The following CDC42 variants were observed in gnomAD, a reference collection of about 807,000 sequenced individuals.
CDC42 encodes cell division control protein 42 homolog.
In CDC42, 1 loss-of-function variant was observed where a neutral mutation model predicts 20.8. The observed-to-expected ratio is 0.05, with a 90% confidence interval of 0.02 to 0.23. The LOEUF (loss-of-function observed/expected upper bound fraction) is 0.23. CDC42 is among the 10% of genes least tolerant of loss of function. The pLI is 1.00. For synonymous variants in CDC42, 72 were observed against 84.8 expected, an observed-to-expected ratio of 0.85 and a Z score of 0.83; for missense variants, 49 against 227.9, an observed-to-expected ratio of 0.21 and a Z score of 5.05.
chr1:22,058,433 C>T (rs1557891875), intron 1 of CDC42, among the ~76,000 whole-genome samples: 1 of 151,696 alleles, frequency 6.6e-6, no homozygotes, highest in South Asian at 2.1e-4. Flanking sequence ...CTGCCTATTA[C>T]GTAGAATTGC....
chr1:22,071,368 A>G (rs926887909), intron 1 of CDC42, among the ~76,000 whole-genome samples: 1 of 152,112 alleles, frequency 6.6e-6, no homozygotes, highest in African/African-American at 2.4e-5. Context: ...TAACAAACAT[A>G]TAAGGCCAGC....
intron 1 of CDC42, among the ~76,000 whole-genome samples, chr1:22,055,162 C>A (rs1241989536): frequency 6.6e-6 from 1 of 150,804 alleles, no homozygotes; most frequent in Non-Finnish European, 1.5e-5. Flanking sequence ...ACGGTGTTAG[C>A]CAGGATAGTC....
chr1:22,089,898 C>T (rs181804375), intron 5 of CDC42: 1 of 1,599,790 alleles, frequency 6.3e-7, no homozygotes, highest in East Asian at 2.2e-5. Context: ...TCTTTCTAAT[C>T]CTCTAACCTG....
chr1:22,074,805 C>T (rs1295508487), intron 1 of CDC42, among the ~76,000 whole-genome samples: 1 of 152,118 alleles, frequency 6.6e-6, no homozygotes, highest in East Asian at 1.9e-4. Flanking sequence ...TGCTTCATTC[C>T]ACAAAACAGA....
chr1:22,099,201 C>T lies in CDC42; in HGVS notation c.*7684C>T, dbSNP rs1288705544. Among the ~76,000 whole-genome samples the T allele has an allele frequency of 6.6e-6, 1 of 152,218 alleles. No individual in the cohort carries two copies. The highest frequency in any genetic ancestry group is 1.5e-5 in the Non-Finnish European group (1 of 68,046). On this transcript the variant is annotated 3_prime_UTR_variant, in exon 6 of 6. Transcript: ENST00000656825. ...CAAGGCCCCCATAAATAAATTGGTG[C>T]ATTAAGGAAGGAATATTAATCACAT...
rs989593523 is a variant in CDC42, at chr1:22,084,011, A to G, written c.178+2217A>G. ...TGATTGCCGAGTGTTATTCTGTTCT[A>G]TGAATATATCACAGTTTTGTTTATC... On this transcript the variant is annotated intron_variant, in intron 3 of 5. Transcript: ENST00000656825. Among the ~76,000 whole-genome samples, 5 of 152,306 alleles carry G rather than the reference A, an allele frequency of 3.3e-5. No individual in the cohort carries two copies. In the East Asian group the frequency reaches 5.8e-4, roughly 18 times the overall value.
rs569626464 is a variant in CDC42, at chr1:22,056,090, G to T, written c.-51+3348G>T. ...AGATTGTAAGTTCTGTGAGGGCAGG[G>T]CTTTGGCCTGGCATGGTCACCCCAT... On this transcript the variant is annotated intron_variant, in intron 1 of 5. Transcript: ENST00000656825. Among the ~76,000 whole-genome samples, 5 of 152,276 alleles carry T rather than the reference G, an allele frequency of 3.3e-5. No homozygotes were observed. The South Asian group carries it at 1.0e-3, about 32-fold the overall frequency.
intron 3 of CDC42, among the ~76,000 whole-genome samples, chr1:22,082,295 ATG>A (rs1645615670): frequency 6.6e-6 from 1 of 152,230 alleles, no homozygotes; most frequent in South Asian, 2.1e-4. Flanking sequence ...TATTCAATTT[ATG>A]TGTCTAATAA....
At chr1:22,076,176 G>C (rs577419492) in intron 1 of CDC42, among the ~76,000 whole-genome samples, 1 of 152,260 alleles carries the variant, frequency 6.6e-6, no homozygotes, top group South Asian at 2.1e-4. Flanking sequence ...GCAGGGACTT[G>C]AGGTTGGGCA....
rs199697321 is a variant in CDC42 at position 22,091,778 on chromosome 1, T to A, written c.*261T>A. The A allele has an allele frequency of 1.2e-4, 18 of 150,968 alleles. No homozygotes were observed. Among genetic ancestry groups the A allele is most frequent in the Admixed American group, 2.0e-4 (2 of 9,856 alleles). The allele number at this position is 150,968 out of a possible 1,614,324, so 9.4% of individuals were successfully genotyped here. A position where few individuals can be genotyped will look rare whatever the true frequency, so the allele number is the denominator to read the frequency against. On this transcript the variant is annotated 3_prime_UTR_variant, in exon 6 of 6. Coordinates refer to ENST00000656825, the MANE Select transcript of CDC42 (RefSeq NM_001791.4). ...TTTTTTTGTTGTTTCAAAAAAAAAA[T>A]TTTTGTGTGTGTGTGTTTTTTTTTT...
At position 22,099,442 on chromosome 1, in the gene CDC42, G is replaced by T. The variant is rs1645776273; in HGVS notation, c.*7925G>T. ...GACTCTGAGACATCATAATTGCTTG[G>T]TATATGCAGCCAGAGTTGGAAATCC... On this transcript the variant is annotated 3_prime_UTR_variant, in exon 6 of 6. Transcript: ENST00000656825. Among the ~76,000 whole-genome samples, 1 of 152,194 alleles carries T rather than the reference G, an allele frequency of 6.6e-6. No homozygotes were observed. Among genetic ancestry groups the T allele is most frequent in the Admixed American group, 6.5e-5 (1 of 15,284 alleles).
At chr1:22,065,499 C>G (rs1446029500) in intron 1 of CDC42, among the ~76,000 whole-genome samples, 1 of 152,200 alleles carries the variant, frequency 6.6e-6, no homozygotes, top group African/African-American at 2.4e-5. Context: ...AACAACTGTT[C>G]TGACCTTTTT....
At chr1:22,073,329 G>C (rs1382651591) in intron 1 of CDC42, among the ~76,000 whole-genome samples, 2 of 152,100 alleles carry the variant, frequency 1.3e-5, no homozygotes, top group Admixed American at 6.6e-5. Context: ...CTGAGGTCAG[G>C]ATTTTGAGAC....
At chr1:22,081,848 C>A in intron 3 of CDC42, 54 bp downstream of exon 3, 1 of 1,161,428 alleles carries the variant, frequency 8.6e-7, no homozygotes, top group South Asian at 1.3e-5. Flanking sequence ...TGCTAGTTGT[C>A]TGTCTCTTGT....
At chr1:22,071,584 A>G (rs890230541) in intron 1 of CDC42, among the ~76,000 whole-genome samples, 1 of 152,196 alleles carries the variant, frequency 6.6e-6, no homozygotes, top group Non-Finnish European at 1.5e-5. Context: ...AACTTACAGC[A>G]GAAGGTTATA....
At chr1:22,075,646 G>A (rs1645541128) in intron 1 of CDC42, among the ~76,000 whole-genome samples, 1 of 152,178 alleles carries the variant, frequency 6.6e-6, no homozygotes, top group African/African-American at 2.4e-5. Context: ...CATGTACTAA[G>A]CATGTACTGT....
intron 1 of CDC42, chr1:22,059,051 C>T (rs1645334815): frequency 6.6e-6 from 1 of 151,830 alleles, no homozygotes; most frequent in African/African-American, 2.4e-5. Context: ...TTCTTGAACT[C>T]CTGGCCTCAA....
Position 22,091,672 on chromosome 1 carries a change from T to A in CDC42, c.*155T>A. 2.3e-6 allele frequency: 1 copy of A among 443,678 alleles called. No individual in the cohort carries two copies. 27.5% of individuals were successfully genotyped at this position (443,678 alleles called of 1,614,324 possible). On this transcript the variant is annotated 3_prime_UTR_variant, in exon 6 of 6. Transcript: ENST00000656825. ...ATGCACTCGTGTGAGACAAGGCCCA[T>A]AGGTATGGCCCCCCCCTTCCCCCTC...
chr1:22,078,660 T>C, intron 2 of CDC42, 77 bp downstream of exon 2: 4 of 1,546,890 alleles, frequency 2.6e-6, no homozygotes, highest in Non-Finnish European at 2.6e-6. Context: ...TCTCTATGTG[T>C]ACTGAATTTT....
Sources: gnomAD v4.1 joint callset for allele counts (sites outside exome capture counted in the v4.1 genomes callset) on GRCh38, gnomAD v4.1.1 for gene constraint, MANE v1.5 for transcripts, NCBI Gene and HGNC (gene_info 2026-07-23, HGNC 2026-07-21) for gene names.